SLC7A11: variants seen among roughly 807,000 people sequenced by gnomAD.
The protein encoded by SLC7A11 is cystine/glutamate transporter.
Under a neutral mutation model 54.5 loss-of-function variants are expected in SLC7A11, and 35 were observed. The ratio of observed to expected loss-of-function variants is 0.64; its 90% CI spans 0.49 to 0.85. The LOEUF (loss-of-function observed/expected upper bound fraction) is 0.85, where lower values mean the gene tolerates loss of function less well. SLC7A11 is among the 40% of genes least tolerant of loss of function. The pLI, the probability that SLC7A11 is intolerant of heterozygous loss-of-function variation, is 0.00. For missense variants in SLC7A11, 583 were observed against 618.1 expected, an observed-to-expected ratio of 0.94 and a Z score of 0.60; for synonymous variants, 230 against 225.2, an observed-to-expected ratio of 1.02 and a Z score of -0.19.
At chr4:138,203,517 T>G (rs1295739262) in intron 6 of SLC7A11, among the ~76,000 whole-genome samples, 1 of 152,196 alleles carries the variant, frequency 6.6e-6, no homozygotes, top group South Asian at 2.1e-4. Context: ...CCTTTTCCTC[T>G]AAGCAGTTTA....
rs1319035083 is a variant in SLC7A11 at position 138,168,026 on chromosome 4, T to G, written c.*3930A>C. On this transcript the variant is annotated 3_prime_UTR_variant, in exon 12 of 12. Transcript: ENST00000280612. ...ATATATGGATATTTCAATTAACTCA[T>G]AAATTTTTAAAAACATATCCTCCAT... The G allele has an allele frequency of 6.6e-6, 1 of 152,196 alleles. No individual in the cohort carries two copies. The highest frequency in any genetic ancestry group is 1.5e-5 in the Non-Finnish European group (1 of 68,024). 9.4% of individuals were successfully genotyped at this position (152,196 alleles called of 1,614,324 possible). A position where few individuals can be genotyped will look rare whatever the true frequency, so the allele number is the denominator to read the frequency against.
At chr4:138,220,915 T>C (rs1345920402) in intron 4 of SLC7A11, among the ~76,000 whole-genome samples, 2 of 152,352 alleles carry the variant, frequency 1.3e-5, no homozygotes, top group Admixed American at 1.3e-4. Context: ...TTGAATTATA[T>C]ACTAAACAAT....
chr4:138,218,683 A>C (rs1451536692), intron 5 of SLC7A11, among the ~76,000 whole-genome samples: 2 of 152,170 alleles, frequency 1.3e-5, no homozygotes, highest in Non-Finnish European at 2.9e-5. Flanking sequence ...AAATTTTCAG[A>C]TGTTGGGGAC....
At chr4:138,207,501 T>TCC (rs1406400887) in intron 6 of SLC7A11, among the ~76,000 whole-genome samples, 1 of 152,004 alleles carries the variant, frequency 6.6e-6, no homozygotes, top group Non-Finnish European at 1.5e-5. Flanking sequence ...GATCAGGAGT[T>TCC]CAAGAACAGC....
intron 3 of SLC7A11, among the ~76,000 whole-genome samples, chr4:138,225,707 G>A (rs540008288): frequency 1.6e-4 from 24 of 152,114 alleles, no homozygotes; most frequent in East Asian, 1.4e-3. Context: ...GAGGTTCAAC[G>A]TTGGTGTAAA....
intron 4 of SLC7A11, among the ~76,000 whole-genome samples, chr4:138,219,951 T>TC: frequency 6.6e-6 from 1 of 151,066 alleles, no homozygotes; most frequent in South Asian, 2.1e-4. Flanking sequence ...CTTTTTTTAT[T>TC]TTTTTCAAGA....
chr4:138,220,256 T>A (rs1187864935), intron 4 of SLC7A11, among the ~76,000 whole-genome samples: 2 of 152,154 alleles, frequency 1.3e-5, no homozygotes, highest in Admixed American at 6.5e-5. Flanking sequence ...TTCTTATAGA[T>A]AAAGTTTTCT....
In SLC7A11 at chr4:138,166,647, G is replaced by C. The variant is rs1036928033; in HGVS notation, c.*5309C>G. 3.3e-5 allele frequency: 5 copies of C among 152,586 alleles called. No homozygotes were observed. The highest frequency in any genetic ancestry group is 7.4e-5 in the Non-Finnish European group (5 of 68,022). 9.5% of individuals were successfully genotyped at this position (152,586 alleles called of 1,614,324 possible). A position where few individuals can be genotyped will look rare whatever the true frequency, so the allele number is the denominator to read the frequency against. On this transcript the variant is annotated 3_prime_UTR_variant, in exon 12 of 12. Transcript: ENST00000280612. The stretch of plus-strand genomic sequence containing the variant: ...TGCCTAATGCTCTACAGTTTTGTGA[G>C]AGAATTGTTAACTGTAAAGCTGTAA...
At chr4:138,237,475 G>A (rs1195318503) in intron 1 of SLC7A11, among the ~76,000 whole-genome samples, 1 of 148,868 alleles carries the variant, frequency 6.7e-6, no homozygotes, top group Non-Finnish European at 1.5e-5. Flanking sequence ...TCAGCTCATT[G>A]CAACCTCTGC....
intron 3 of SLC7A11, among the ~76,000 whole-genome samples, chr4:138,230,977 A>G (rs1738063186): frequency 6.6e-6 from 1 of 152,190 alleles, no homozygotes; most frequent in African/African-American, 2.4e-5. Flanking sequence ...AAGTATAAAT[A>G]GTTACCATTT....
At chr4:138,200,961 G>C (rs1245714787) in intron 6 of SLC7A11, among the ~76,000 whole-genome samples, 1 of 152,016 alleles carries the variant, frequency 6.6e-6, no homozygotes, top group African/African-American at 2.4e-5. Flanking sequence ...CTTAGAGAAC[G>C]GCCATGACCA....
intron 2 of SLC7A11, among the ~76,000 whole-genome samples, chr4:138,233,604 A>G (rs1003261282): frequency 1.3e-5 from 2 of 151,898 alleles, no homozygotes; most frequent in East Asian, 3.9e-4. Flanking sequence ...CATGTTCCCA[A>G]CTTTGGCCGG....
chr4:138,191,020 T>C (rs908792538), intron 6 of SLC7A11, among the ~76,000 whole-genome samples: 1 of 152,120 alleles, frequency 6.6e-6, no homozygotes, highest in Admixed American at 6.6e-5. Context: ...AAAAACATTA[T>C]AAATGAAATG....
intron 3 of SLC7A11, among the ~76,000 whole-genome samples, chr4:138,223,725 G>A (rs779234630): frequency 6.6e-6 from 1 of 152,270 alleles, no homozygotes; most frequent in East Asian, 1.9e-4. Context: ...CTGTCTCTAT[G>A]ATGGTATGCC....
intron 2 of SLC7A11, among the ~76,000 whole-genome samples, chr4:138,232,942 T>C (rs1738116629): frequency 6.6e-6 from 1 of 152,008 alleles, no homozygotes. Context: ...TATAGTAACA[T>C]TCAGATATAA....
chr4:138,189,615 C>T (rs1054925894), intron 6 of SLC7A11, among the ~76,000 whole-genome samples: 1 of 152,112 alleles, frequency 6.6e-6, no homozygotes. Flanking sequence ...TATTAGAAGA[C>T]TAATTGTCAT....
intron 11 of SLC7A11, among the ~76,000 whole-genome samples, chr4:138,173,303 T>C (rs1736482958): frequency 1.3e-5 from 2 of 152,234 alleles, no homozygotes; most frequent in Non-Finnish European, 2.9e-5. Flanking sequence ...TTATCTGTAA[T>C]AGCTCCTTTC....
At position 138,171,997 on chromosome 4, in the gene SLC7A11, G is replaced by T; in HGVS notation, c.1465C>A (p.Gln489Lys). The change falls in exon 12 of 12, where the codon CAA becomes AAA. Residue 489 changes from glutamine (Q) to lysine (K), a missense_variant. Physicochemically the swap from Gln to Lys is moderately conservative, Grantham distance 53. Coordinates refer to ENST00000280612, the MANE Select transcript of SLC7A11 (RefSeq NM_014331.4). The part of the protein sequence containing the change: ...IMSEKITRTL[Q>K]IILEVVPEED... ...TCTGGTACAACTTCCAGTATTATTT[G>T]TAATGTTCTGGTTATTTTCTCTACA... 1.3e-6 allele frequency: 2 copies of T among 1,595,616 alleles called. No homozygotes were observed. Among genetic ancestry groups the T allele is most frequent in the Non-Finnish European group, 1.7e-6 (2 of 1,173,740 alleles).
chr4:138,237,676 G>T (rs1279226111), intron 1 of SLC7A11, among the ~76,000 whole-genome samples: 15 of 123,410 alleles, frequency 1.2e-4, no homozygotes, highest in African/African-American at 4.4e-4. Context: ...GGGATTACAA[G>T]TGTGAGCCAC....
Sources: allele counts gnomAD v4.1 joint callset (sites outside exome capture counted in the v4.1 genomes callset), GRCh38; gene constraint gnomAD v4.1.1; transcripts MANE v1.5; gene names NCBI Gene and HGNC (gene_info 2026-07-23, HGNC 2026-07-21).